The following DOCK1 variants were observed in gnomAD, a reference collection of about 807,000 sequenced individuals.
DOCK1 encodes dedicator of cytokinesis protein 1.
A neutral mutation model predicts 262.7 loss-of-function variants in DOCK1; 138 were observed. That is an observed-to-expected ratio of 0.53 (90% CI 0.46 to 0.61). The LOEUF (loss-of-function observed/expected upper bound fraction) is 0.61. Ranked by LOEUF, DOCK1 falls within the 20% of genes least tolerant of loss-of-function variation. The pLI is 0.00. For missense variants in DOCK1, 1,908 were observed against 2,370.7 expected (o/e 0.80, Z 4.05); for synonymous variants, 866 against 867.4 (o/e 1.00, Z 0.03).
chr10:127,058,856 T>A (rs1054024766), intron 22 of DOCK1, among the ~76,000 whole-genome samples: 35 of 152,262 alleles, frequency 2.3e-4, no homozygotes, highest in Middle Eastern at 6.8e-3. Context: ...ATTCTATGTT[T>A]TATATTCCAT....
intron 29 of DOCK1, among the ~76,000 whole-genome samples, chr10:127,305,226 A>AT (rs2061831260): frequency 6.6e-6 from 1 of 151,954 alleles, no homozygotes; most frequent in African/African-American, 2.4e-5. Flanking sequence ...CTCATGTCAC[A>AT]TTTATTTGAA....
intron 23 of DOCK1, among the ~76,000 whole-genome samples, chr10:127,078,295 G>A (rs1032093669): frequency 6.6e-6 from 1 of 151,976 alleles, no homozygotes; most frequent in Non-Finnish European, 1.5e-5. Flanking sequence ...TTTGTCATGG[G>A]AAAAATTCAG....
chr10:126,915,329 A>G (rs575287056), intron 1 of DOCK1, among the ~76,000 whole-genome samples: 2 of 148,012 alleles, frequency 1.4e-5, no homozygotes, highest in Non-Finnish European at 3.0e-5. Flanking sequence ...CTTGGGGTGT[A>G]TTTTGCTACT....
chr10:127,227,997 C>G (rs1485165505), intron 27 of DOCK1, among the ~76,000 whole-genome samples: 1 of 152,184 alleles, frequency 6.6e-6, no homozygotes, highest in Admixed American at 6.5e-5. Context: ...GATATGTTGG[C>G]AATTTCTCAA....
chr10:127,220,976 T>C (rs2058414314), intron 27 of DOCK1, among the ~76,000 whole-genome samples: 1 of 152,224 alleles, frequency 6.6e-6, no homozygotes, highest in African/African-American at 2.4e-5. Flanking sequence ...TTTATGGGGA[T>C]AACTGTGCAC....
intron 29 of DOCK1, among the ~76,000 whole-genome samples, chr10:127,295,981 G>A (rs1283033904): frequency 6.6e-6 from 1 of 152,160 alleles, no homozygotes; most frequent in African/African-American, 2.4e-5. Context: ...GGCCTATTAG[G>A]GGAGACAGGC....
intron 27 of DOCK1, among the ~76,000 whole-genome samples, chr10:127,155,332 C>T (rs1046709732): frequency 1.3e-5 from 2 of 152,222 alleles, no homozygotes; most frequent in East Asian, 3.9e-4. Context: ...AAAACTCAGA[C>T]GTGACCTCAT....
At chr10:127,035,851 A>G (rs1286615960) in intron 18 of DOCK1, among the ~76,000 whole-genome samples, 1 of 151,782 alleles carries the variant, frequency 6.6e-6, no homozygotes, top group Non-Finnish European at 1.5e-5. Context: ...CTCTACTAAA[A>G]ATTAGCTGTG....
intron 47 of DOCK1, among the ~76,000 whole-genome samples, chr10:127,430,455 A>G (rs2069202766): frequency 6.6e-6 from 1 of 152,162 alleles, no homozygotes; most frequent in African/African-American, 2.4e-5. Flanking sequence ...GGCATGGCCT[A>G]CAAGAACAGC....
intron 22 of DOCK1, among the ~76,000 whole-genome samples, chr10:127,055,063 AT>A (rs917722950): frequency 2.7e-5 from 4 of 150,678 alleles, no homozygotes; most frequent in South Asian, 4.2e-4. Context: ...ATGGTCCATA[AT>A]TTTTTTTTTC....
intron 29 of DOCK1, among the ~76,000 whole-genome samples, chr10:127,258,730 A>AC (rs2059911511): frequency 6.6e-6 from 1 of 152,234 alleles, no homozygotes; most frequent in African/African-American, 2.4e-5. Context: ...CTATGGCTGT[A>AC]CCATTTTACG....
At chr10:127,201,234 G>A (rs549526907) in intron 27 of DOCK1, among the ~76,000 whole-genome samples, 3 of 152,248 alleles carry the variant, frequency 2.0e-5, no homozygotes, top group East Asian at 1.9e-4. Flanking sequence ...TATTCTGCTC[G>A]AGCCTTCACT....
At chr10:126,924,862 G>A (rs1030203755) in intron 1 of DOCK1, among the ~76,000 whole-genome samples, 1 of 152,214 alleles carries the variant, frequency 6.6e-6, no homozygotes, top group Non-Finnish European at 1.5e-5. Context: ...AGGATTGGAT[G>A]AAAGTGTTTC....
rs1438327768 is a variant in DOCK1 at position 127,347,855 on chromosome 10, T to C, written c.3224+4109T>C. Among the ~76,000 whole-genome samples the C allele has an allele frequency of 6.2e-3, 257 of 41,562 alleles. 32 individuals carry two copies. The highest frequency in any genetic ancestry group is 0.023 in the South Asian group (20 of 874). The allele number at this position is 41,562 out of a possible 152,430, so 27.3% of individuals were successfully genotyped here. Reference sequence around the variant, plus strand: ...CAGCCTTCCCTTCCCTTCCCTTCCCTTCCCTTCCCTTCCCTTCCCTTCCCT... The same window carrying C: ...CAGCCTTCCCTTCCCTTCCCTTCCCCTCCCTTCCCTTCCCTTCCCTTCCCT... On this transcript the variant is annotated intron_variant, in intron 31 of 51. Transcript: ENST00000623213.
chr10:127,410,928 A>G lies in DOCK1; in HGVS notation c.4428+4A>G, dbSNP rs1205466978. ...AAACCCAGACAATGAATTTGCGGTA[A>G]AAAACAAACAAACCACCAAACCAAA... On this transcript the variant is annotated splice_donor_region_variant and intron_variant, in intron 43 of 51. Coordinates refer to ENST00000623213, the MANE Select transcript of DOCK1 (RefSeq NM_001290223.2). The G allele has an allele frequency of 6.2e-7, 1 of 1,612,314 alleles. No individual in the cohort carries two copies. Among genetic ancestry groups the G allele is most frequent in the Non-Finnish European group, 8.5e-7 (1 of 1,179,292 alleles).
intron 5 of DOCK1, 107 bp from the exon 6 acceptor site, chr10:126,990,348 A>T (rs2039703352): frequency 3.6e-6 from 4 of 1,121,400 alleles, no homozygotes; most frequent in Non-Finnish European, 4.9e-6. Flanking sequence ...AAATCTCATG[A>T]TCTAGTGCTT....
intron 29 of DOCK1, among the ~76,000 whole-genome samples, chr10:127,291,377 A>G (rs2061340630): frequency 6.6e-6 from 1 of 151,848 alleles, no homozygotes; most frequent in Non-Finnish European, 1.5e-5. Flanking sequence ...CTCAGCCCCC[A>G]CAACCCCACC....
At chr10:127,147,896 C>T (rs528961691) in intron 27 of DOCK1, among the ~76,000 whole-genome samples, 19 of 151,598 alleles carry the variant, frequency 1.3e-4, no homozygotes, top group East Asian at 1.2e-3. Flanking sequence ...CCAGGATTGG[C>T]GGTGCGCGCA....
chr10:127,363,461 C>G (rs914863108), intron 33 of DOCK1, among the ~76,000 whole-genome samples: 1 of 151,870 alleles, frequency 6.6e-6, no homozygotes, highest in Non-Finnish European at 1.5e-5. Flanking sequence ...AGAGCCAGAC[C>G]CTGTCTCTAA....
Sources: allele counts gnomAD v4.1 joint callset (sites outside exome capture counted in the v4.1 genomes callset), GRCh38; gene constraint gnomAD v4.1.1; transcripts MANE v1.5; gene names NCBI Gene and HGNC (gene_info 2026-07-23, HGNC 2026-07-21).